Variants in GALNT13 observed in about 807,000 individuals in gnomAD.
GALNT13 encodes the protein polypeptide N-acetylgalactosaminyltransferase 13.
GALNT13 carries 28 observed loss-of-function variants against 64.2 expected under a neutral mutation model. That is an observed-to-expected ratio of 0.44 (90% CI 0.32 to 0.60). The LOEUF (loss-of-function observed/expected upper bound fraction) is 0.60, where lower values mean the gene tolerates loss of function less well. GALNT13 is among the 20% of genes least tolerant of loss of function. GALNT13 has a pLI of 0.05. For missense variants in GALNT13, 577 were observed against 669.8 expected, an observed-to-expected ratio of 0.86 and a Z score of 1.53; for synonymous variants, 214 against 224.6, an observed-to-expected ratio of 0.95 and a Z score of 0.42.
chr2:153,916,447 G>T (rs1689353577), intron 2 of GALNT13, among the ~76,000 whole-genome samples: 1 of 152,076 alleles, frequency 6.6e-6, no homozygotes, highest in Non-Finnish European at 1.5e-5. Flanking sequence ...ACAAGTCACT[G>T]TGCCCAGCCT....
the GALNT13 span, among the ~76,000 whole-genome samples, chr2:153,189,877 T>A: frequency 1.3e-5 from 2 of 152,180 alleles, no homozygotes; most frequent in African/African-American, 4.8e-5. Flanking sequence ...TTGATTCATA[T>A]ATCTGTTGTC....
the GALNT13 span, among the ~76,000 whole-genome samples, chr2:153,438,528 T>C: frequency 6.6e-6 from 1 of 152,194 alleles, no homozygotes; most frequent in South Asian, 2.1e-4. Flanking sequence ...TTCATTTCTT[T>C]TTATTCTTTT....
the GALNT13 span, among the ~76,000 whole-genome samples, chr2:153,525,156 A>T: frequency 1.3e-5 from 2 of 152,192 alleles, no homozygotes; most frequent in African/African-American, 4.8e-5. Flanking sequence ...GCCAGAAGGG[A>T]ATCCACTGCC....
chr2:153,915,912 C>G (rs1689303943), intron 2 of GALNT13, among the ~76,000 whole-genome samples: 1 of 152,142 alleles, frequency 6.6e-6, no homozygotes, highest in Admixed American at 6.6e-5. Flanking sequence ...CATCATTACT[C>G]TTAGTTGTAA....
At chr2:153,825,973 TCTC>T in the GALNT13 span, among the ~76,000 whole-genome samples, 7 of 152,158 alleles carry the variant, frequency 4.6e-5, no homozygotes, top group African/African-American at 9.7e-5. Context: ...TCAGCAGCTT[TCTC>T]CTCCTCATTT....
chr2:153,569,590 C>T, the GALNT13 span, among the ~76,000 whole-genome samples: 2 of 151,372 alleles, frequency 1.3e-5, no homozygotes, highest in African/African-American at 4.9e-5. Flanking sequence ...TTATGGGGTA[C>T]ATGAGATGTT....
At chr2:153,387,360 C>T in the GALNT13 span, among the ~76,000 whole-genome samples, 1 of 152,118 alleles carries the variant, frequency 6.6e-6, no homozygotes, top group South Asian at 2.1e-4. Flanking sequence ...CTAGATTATA[C>T]GTTTTCTAAA....
At chr2:153,446,862 A>G in the GALNT13 span, 1 of 152,202 alleles carries the variant, frequency 6.6e-6, no homozygotes, top group Non-Finnish European at 1.5e-5. Flanking sequence ...GCTGCTGACA[A>G]AAAATATTGT....
the GALNT13 span, among the ~76,000 whole-genome samples, chr2:153,460,065 A>G: frequency 6.6e-6 from 1 of 152,114 alleles, no homozygotes; most frequent in Non-Finnish European, 1.5e-5. Context: ...TAAGATACAT[A>G]TAAGATAAAA....
At chr2:153,207,653 A>T in the GALNT13 span, among the ~76,000 whole-genome samples, 1 of 152,188 alleles carries the variant, frequency 6.6e-6, no homozygotes, top group African/African-American at 2.4e-5. Flanking sequence ...TGCCAATTTC[A>T]AAATAATGAT....
chr2:154,374,500 T>C (rs1449342671), intron 9 of GALNT13, among the ~76,000 whole-genome samples: 2 of 150,678 alleles, frequency 1.3e-5, no homozygotes, highest in African/African-American at 5.0e-5. Context: ...AAAGCTGAAC[T>C]ATAAACTTCA....
the GALNT13 span, among the ~76,000 whole-genome samples, chr2:153,794,295 TTTTAA>T: frequency 1.3e-5 from 2 of 152,196 alleles, no homozygotes; most frequent in African/African-American, 4.8e-5. Context: ...TCTACTTTTC[TTTTAA>T]TTTAGGAAAT....
chr2:154,233,044 A>G (rs1559039446), intron 4 of GALNT13, among the ~76,000 whole-genome samples: 1 of 151,218 alleles, frequency 6.6e-6, no homozygotes, highest in Non-Finnish European at 1.5e-5. Flanking sequence ...TCTCAAAAAA[A>G]AAAAAAAAAA....
At chr2:154,007,711 C>T (rs1367659897) in intron 3 of GALNT13, among the ~76,000 whole-genome samples, 1 of 151,890 alleles carries the variant, frequency 6.6e-6, no homozygotes, top group African/African-American at 2.4e-5. Flanking sequence ...GAAGGGAATG[C>T]TAACATTTTG....
chr2:153,820,589 A>G, the GALNT13 span, among the ~76,000 whole-genome samples: 1 of 152,184 alleles, frequency 6.6e-6, no homozygotes, highest in Non-Finnish European at 1.5e-5. Context: ...TTCACACAAA[A>G]AAAGAAATTT....
chr2:153,655,476 A>G, the GALNT13 span, among the ~76,000 whole-genome samples: 1 of 152,126 alleles, frequency 6.6e-6, no homozygotes, highest in Non-Finnish European at 1.5e-5. Context: ...ATGCTCTAAA[A>G]TGAGAGATAC....
Position 154,070,524 on chromosome 2 carries a change from TAAAC to T in GALNT13, c.143-69809_143-69806del, listed in dbSNP as rs922012956. ...ACAGAAGAGATCATGAAAAAAGAAA[TAAAC>T]AAAATATGTTAAAATTCACCAAAAA... On this transcript the variant is annotated intron_variant, in intron 3 of 12. Transcript: ENST00000392825. 4.6e-5 allele frequency among the ~76,000 whole-genome samples: 7 copies of T among 152,004 alleles called. No individual in the cohort carries two copies. In the South Asian group the frequency reaches 6.2e-4, roughly 13 times the overall value.
the GALNT13 span, among the ~76,000 whole-genome samples, chr2:153,467,019 CTT>C: frequency 6.6e-6 from 1 of 151,954 alleles, no homozygotes; most frequent in South Asian, 2.1e-4. Flanking sequence ...ACAAAAAAGT[CTT>C]TTAACTATGA....
chr2:154,396,499 C>A (rs373989617), intron 10 of GALNT13, among the ~76,000 whole-genome samples: 3 of 151,966 alleles, frequency 2.0e-5, no homozygotes, highest in African/African-American at 7.2e-5. Flanking sequence ...ACTAATTAAA[C>A]GTTATATAAT....
Sources: gnomAD v4.1 joint callset for allele counts (sites outside exome capture counted in the v4.1 genomes callset) on GRCh38, gnomAD v4.1.1 for gene constraint, MANE v1.5 for transcripts, NCBI Gene and HGNC (gene_info 2026-07-23, HGNC 2026-07-21) for gene names.